The following SOX6 variants were observed in gnomAD, a reference collection of about 807,000 sequenced individuals.
The protein encoded by SOX6 is transcription factor SOX-6.
A neutral mutation model predicts 97.8 loss-of-function variants in SOX6; 11 were observed. The observed-to-expected ratio is 0.11, with a 90% confidence interval of 0.07 to 0.19. SOX6 has a LOEUF of 0.19. SOX6 is among the 10% of genes least tolerant of loss of function. The pLI is 1.00. For missense variants in SOX6, 810 were observed against 1,039.5 expected (o/e 0.78, Z 3.04); for synonymous variants, 360 against 371.4 (o/e 0.97, Z 0.35).
At chr11:16,248,894 G>A (rs1590062421) in intron 3 of SOX6, among the ~76,000 whole-genome samples, 1 of 152,062 alleles carries the variant, frequency 6.6e-6, no homozygotes, top group Non-Finnish European at 1.5e-5. Context: ...TCAGGAGATT[G>A]AGACAATCCT....
At chr11:16,417,947 A>G (rs1220123083) in intron 1 of SOX6, among the ~76,000 whole-genome samples, 1 of 152,212 alleles carries the variant, frequency 6.6e-6, no homozygotes, top group Non-Finnish European at 1.5e-5. Context: ...AAATATTTAA[A>G]CAAACGCTAA....
At chr11:16,429,871 G>T (rs1003970920) in intron 1 of SOX6, among the ~76,000 whole-genome samples, 1 of 152,066 alleles carries the variant, frequency 6.6e-6, no homozygotes, top group Admixed American at 6.6e-5. Flanking sequence ...TGAACTACCC[G>T]CACTCTGGTG....
At chr11:16,727,436 C>CT (rs72382796) in intron 2 of SOX6, among the ~76,000 whole-genome samples, 29,880 of 144,376 alleles carry the variant, frequency 0.21, 3,507 homozygotes, top group East Asian at 0.49. Flanking sequence ...TCACTTTCTT[C>CT]TTTTTTTTTT....
intron 1 of SOX6, among the ~76,000 whole-genome samples, chr11:16,466,650 GC>G (rs759252995): frequency 6.6e-6 from 1 of 150,978 alleles, no homozygotes; most frequent in Non-Finnish European, 1.5e-5. Flanking sequence ...AACAACTCCG[GC>G]CGGGCGCGGT....
chr11:16,472,568 A>G (rs535670179), intron 1 of SOX6, among the ~76,000 whole-genome samples: 1 of 152,200 alleles, frequency 6.6e-6, no homozygotes, highest in Admixed American at 6.5e-5. Context: ...ACTTACATCT[A>G]AAAATAATAA....
chr11:16,651,963 T>C (rs1325567983), intron 3 of SOX6, among the ~76,000 whole-genome samples: 1 of 152,082 alleles, frequency 6.6e-6, no homozygotes, highest in Non-Finnish European at 1.5e-5. Flanking sequence ...CACTGCTATA[T>C]ACCAACAATT....
chr11:16,629,090 T>C (rs1406549732), intron 3 of SOX6, among the ~76,000 whole-genome samples: 3 of 152,216 alleles, frequency 2.0e-5, no homozygotes, highest in African/African-American at 7.2e-5. Flanking sequence ...TTCATTTCTG[T>C]CTCTTGCCTG....
At chr11:16,443,206 T>C (rs1192860007) in intron 1 of SOX6, among the ~76,000 whole-genome samples, 1 of 152,192 alleles carries the variant, frequency 6.6e-6, no homozygotes, top group Non-Finnish European at 1.5e-5. Flanking sequence ...AATTACACAT[T>C]TCTACATATA....
chr11:16,659,603 A>C (rs1186804758), intron 3 of SOX6, among the ~76,000 whole-genome samples: 1 of 152,212 alleles, frequency 6.6e-6, no homozygotes, highest in Non-Finnish European at 1.5e-5. Flanking sequence ...TTGACTCCAT[A>C]GATCAAGTTG....
intron 3 of SOX6, chr11:16,316,119 T>TA (rs397791483): frequency 4.6e-5 from 7 of 151,710 alleles, no homozygotes; most frequent in Non-Finnish European, 7.4e-5. Flanking sequence ...TTTTTTTTTT[T>TA]AATCATTCAT....
chr11:16,593,331 T>A (rs1163902027), intron 4 of SOX6, among the ~76,000 whole-genome samples: 1 of 152,170 alleles, frequency 6.6e-6, no homozygotes, highest in East Asian at 1.9e-4. Flanking sequence ...AATGGAATAC[T>A]CTTTATAAAC....
At chr11:16,336,829 A>G (rs750416216) in intron 2 of SOX6, among the ~76,000 whole-genome samples, 6 of 152,170 alleles carry the variant, frequency 3.9e-5, no homozygotes, top group Non-Finnish European at 5.9e-5. Context: ...ACAAACTACA[A>G]GACTTTTGTA....
chr11:16,623,262 C>T (rs557329295), intron 3 of SOX6, among the ~76,000 whole-genome samples: 1 of 152,224 alleles, frequency 6.6e-6, no homozygotes, highest in East Asian at 1.9e-4. Context: ...CTCAGGTGAT[C>T]CACCCACCTC....
intron 4 of SOX6, among the ~76,000 whole-genome samples, chr11:16,498,773 T>C (rs1022149258): frequency 2.6e-5 from 4 of 152,140 alleles, no homozygotes; most frequent in Admixed American, 6.5e-5. Flanking sequence ...CCTAAATATA[T>C]ATGCACACAA....
At chr11:16,689,929 CTTT>C (rs773781348) in intron 3 of SOX6, among the ~76,000 whole-genome samples, 4 of 136,084 alleles carry the variant, frequency 2.9e-5, no homozygotes, top group Non-Finnish European at 4.8e-5. Flanking sequence ...TGTCCCATGG[CTTT>C]TTTTTTTTTT....
intron 1 of SOX6, among the ~76,000 whole-genome samples, chr11:16,446,278 G>C (rs1859609419): frequency 6.6e-6 from 1 of 151,480 alleles, no homozygotes. Flanking sequence ...AGAGAAAGAA[G>C]GAAAAAGAAA....
chr11:15,982,645 T>C (rs899308948), intron 15 of SOX6, among the ~76,000 whole-genome samples: 1 of 152,070 alleles, frequency 6.6e-6, no homozygotes, highest in Non-Finnish European at 1.5e-5. Context: ...ACACTTGTTA[T>C]GCTGAATTGT....
In SOX6 at chr11:16,610,450, C is replaced by A. The variant is rs1848383263; in HGVS notation, n.609+1631G>T. 6.6e-6 allele frequency among the ~76,000 whole-genome samples: 1 copy of A among 152,268 alleles called. No individual in the cohort carries two copies. The highest frequency in any genetic ancestry group is 1.5e-5 in the Non-Finnish European group (1 of 68,022). Reference sequence around the variant, plus strand: ...GGTGGGCAAGACTGACCCTGCCGACCAGATGCAGGCCGCTAGCGGGAGGCA... The same window carrying A: ...GGTGGGCAAGACTGACCCTGCCGACAAGATGCAGGCCGCTAGCGGGAGGCA... On this transcript the variant is annotated intron_variant and non_coding_transcript_variant, in intron 4 of 5. Coordinates refer to the SOX6 transcript ENST00000524520. This position sits in a 1 kb window ranked among gnomAD's most constrained non-coding sequence, Gnocchi z 4.4.
chr11:16,465,452 A>G (rs1340441959), intron 1 of SOX6, among the ~76,000 whole-genome samples: 1 of 152,198 alleles, frequency 6.6e-6, no homozygotes, highest in African/African-American at 2.4e-5. Flanking sequence ...ATATATATAT[A>G]ATAATGGAAA....
Sources: allele counts gnomAD v4.1 joint callset (sites outside exome capture counted in the v4.1 genomes callset), GRCh38; gene constraint gnomAD v4.1.1; non-coding constraint Gnocchi (gnomAD v3.1); transcripts MANE v1.5; gene names NCBI Gene and HGNC (gene_info 2026-07-23, HGNC 2026-07-21).